RIT2: variants seen among roughly 807,000 people sequenced by gnomAD.
RIT2 encodes GTP-binding protein Rit2.
A neutral mutation model predicts 23.7 loss-of-function variants in RIT2; 24 were observed. That is an observed-to-expected ratio of 1.01 (90% CI 0.73 to 1.43). RIT2 has a LOEUF of 1.43. Among genes scored for constraint, RIT2 ranks in the 40% most tolerant of loss-of-function variants. RIT2 has a pLI of 0.00. For synonymous variants in RIT2, 107 were observed against 91.1 expected (o/e 1.17, Z -0.99); for missense variants, 236 against 266.9 (o/e 0.88, Z 0.81).
At chr18:43,039,649 C>G (rs1390749681) in intron 1 of RIT2, among the ~76,000 whole-genome samples, 1 of 151,982 alleles carries the variant, frequency 6.6e-6, no homozygotes, top group Non-Finnish European at 1.5e-5. Flanking sequence ...CACCTGACCT[C>G]TGCTTTATTT....
chr18:42,994,696 A>G (rs977681413), intron 2 of RIT2, among the ~76,000 whole-genome samples: 1 of 152,026 alleles, frequency 6.6e-6, no homozygotes, highest in African/African-American at 2.4e-5. Context: ...TGTCCAAACA[A>G]CTTGACCTTA....
At chr18:43,096,848 A>G (rs952948074) in intron 1 of RIT2, among the ~76,000 whole-genome samples, 2 of 151,874 alleles carry the variant, frequency 1.3e-5, no homozygotes, top group East Asian at 3.9e-4. Context: ...AAAATCATTT[A>G]TGCCACAGTT....
chr18:43,026,573 TAAGAAAGAAAGA>T (rs199513808), intron 2 of RIT2, among the ~76,000 whole-genome samples: 4,742 of 77,286 alleles, frequency 0.061, 143 homozygotes, highest in East Asian at 0.11. Flanking sequence ...AAGAAATAAA[TAAGAAAGAAAGA>T]AAGAAAGAAA....
chr18:43,001,622 T>C (rs1037444499), intron 2 of RIT2, among the ~76,000 whole-genome samples: 10 of 152,022 alleles, frequency 6.6e-5, no homozygotes, highest in African/African-American at 1.2e-4. Flanking sequence ...ATAAACATAG[T>C]TGAAACTAGA....
chr18:42,808,275 T>C (rs893350191), intron 4 of RIT2, among the ~76,000 whole-genome samples: 15 of 152,204 alleles, frequency 9.9e-5, no homozygotes, highest in Non-Finnish European at 1.5e-5. Flanking sequence ...ATATTTACCA[T>C]ACTCAGAGGT....
chr18:43,039,568 G>A (rs973018588), intron 1 of RIT2, among the ~76,000 whole-genome samples: 5 of 151,938 alleles, frequency 3.3e-5, no homozygotes, highest in South Asian at 2.1e-4. Context: ...GGCTGGTCTC[G>A]AACTCCTGAC....
chr18:42,757,824 T>A (rs1254898065), intron 4 of RIT2, among the ~76,000 whole-genome samples: 2 of 152,112 alleles, frequency 1.3e-5, no homozygotes, highest in Non-Finnish European at 2.9e-5. Flanking sequence ...CTCACCCTCC[T>A]ATTTCACCTC....
Position 42,797,707 on chromosome 18 carries a change from C to G in RIT2, c.427-53987G>C, listed in dbSNP as rs942773633. On this transcript the variant is annotated intron_variant, in intron 4 of 4. Transcript: ENST00000326695. ...TTTCAAAATATGTTTTCCTCATTAG[C>G]CGAGTTCGACAATGATTACCTTGCT... Among the ~76,000 whole-genome samples the G allele has an allele frequency of 2.6e-5, 4 of 151,998 alleles. No homozygotes were observed. The East Asian group carries it at 7.7e-4, about 29-fold the overall frequency.
chr18:42,752,588 C>A (rs926719896), intron 4 of RIT2, among the ~76,000 whole-genome samples: 2 of 152,136 alleles, frequency 1.3e-5, no homozygotes, highest in South Asian at 2.1e-4. Context: ...CATGGGGAAA[C>A]CTTTCCAGTC....
intron 2 of RIT2, among the ~76,000 whole-genome samples, chr18:42,975,815 C>T (rs79207609): frequency 2.1e-4 from 32 of 152,114 alleles, no homozygotes; most frequent in African/African-American, 5.1e-4. Flanking sequence ...ATTGTTGCTA[C>T]GGGGGAATAT....
chr18:43,087,529 A>G (rs4270258), intron 1 of RIT2, among the ~76,000 whole-genome samples: 127,601 of 152,074 alleles, frequency 0.84, 54,043 homozygotes, highest in Non-Finnish European at 0.9. Flanking sequence ...TACCTTACTC[A>G]GTCTTACCAA....
chr18:42,775,204 T>C (rs1913639496), intron 4 of RIT2, among the ~76,000 whole-genome samples: 1 of 152,180 alleles, frequency 6.6e-6, no homozygotes, highest in Admixed American at 6.5e-5. Flanking sequence ...TCCATTGTAT[T>C]GTAAGAGCTG....
chr18:43,060,961 T>A (rs1364746112), intron 1 of RIT2, among the ~76,000 whole-genome samples: 1 of 152,106 alleles, frequency 6.6e-6, no homozygotes, highest in Admixed American at 6.6e-5. Flanking sequence ...AACTAAATAA[T>A]TGAGCATGGC....
chr18:43,110,235 A>C lies in RIT2; in HGVS notation c.103+5182T>G, dbSNP rs548743931. Among the ~76,000 whole-genome samples, 3 of 146,980 alleles carry C rather than the reference A, an allele frequency of 2.0e-5. No homozygotes were observed. In the South Asian group the frequency reaches 6.6e-4, roughly 32 times the overall value. ...TATGCCTGTATACGAATATTTCCTTAACTCCATATATATATATACCCACTA... is the reference window on the plus strand; with the variant it reads ...TATGCCTGTATACGAATATTTCCTTCACTCCATATATATATATACCCACTA... On this transcript the variant is annotated intron_variant, in intron 1 of 4. Transcript: ENST00000326695.
intron 3 of RIT2, among the ~76,000 whole-genome samples, chr18:42,935,968 C>T (rs1486223739): frequency 6.6e-6 from 1 of 151,664 alleles, no homozygotes; most frequent in South Asian, 2.1e-4. Flanking sequence ...ATTTGGCCCG[C>T]GGGCAATCCA....
In RIT2 at chr18:42,763,200, C is replaced by T. The variant is rs181568728; in HGVS notation, c.427-19480G>A. On this transcript the variant is annotated intron_variant, in intron 4 of 4. Transcript: ENST00000326695. ...TACACCGGCTGGGTGCTGTGGCTCA[C>T]GCCTGTAATCCCAGCACTTTGGGAG... is the stretch of plus-strand genomic sequence containing the variant. Among the ~76,000 whole-genome samples, 320 of 152,276 alleles carry T rather than the reference C, an allele frequency of 2.1e-3. 2 individuals are homozygous for T. Among genetic ancestry groups the T allele is most frequent in the African/African-American group, 7.2e-3 (298 of 41,566 alleles).
intron 4 of RIT2, among the ~76,000 whole-genome samples, chr18:42,805,258 C>G (rs1905650536): frequency 6.6e-6 from 1 of 152,076 alleles, no homozygotes; most frequent in Non-Finnish European, 1.5e-5. Flanking sequence ...TTTGTGAGAA[C>G]AGTATTGCTT....
chr18:42,757,394 G>A (rs1422060293), intron 4 of RIT2, among the ~76,000 whole-genome samples: 1 of 152,118 alleles, frequency 6.6e-6, no homozygotes, highest in Non-Finnish European at 1.5e-5. Flanking sequence ...CTTTGATGAA[G>A]CCTATAGGAA....
At chr18:42,883,117 T>C (rs1331134402) in intron 4 of RIT2, among the ~76,000 whole-genome samples, 1 of 151,218 alleles carries the variant, frequency 6.6e-6, no homozygotes, top group Non-Finnish European at 1.5e-5. Flanking sequence ...ATGGAAGTGG[T>C]GTGTGTGTGT....
Sources: allele counts gnomAD v4.1 joint callset (sites outside exome capture counted in the v4.1 genomes callset), GRCh38; gene constraint gnomAD v4.1.1; transcripts MANE v1.5; gene names NCBI Gene and HGNC (gene_info 2026-07-23, HGNC 2026-07-21).